The following OTOG variants were observed in gnomAD, a reference collection of about 807,000 sequenced individuals.
The protein encoded by OTOG is otogelin.
Under a neutral mutation model 313.8 loss-of-function variants are expected in OTOG, and 296 were observed. The observed-to-expected ratio is 0.94, with a 90% confidence interval of 0.86 to 1.04. The LOEUF (loss-of-function observed/expected upper bound fraction) is 1.04. Ranked by LOEUF, OTOG falls within the 50% of genes least tolerant of loss-of-function variation. OTOG has a pLI of 0.00. For missense variants in OTOG, 3,948 were observed against 3,840.1 expected, an observed-to-expected ratio of 1.03 and a Z score of -0.74; for synonymous variants, 1,533 against 1,554.9, an observed-to-expected ratio of 0.99 and a Z score of 0.33.
At chr11:17,640,185 C>T (rs1282192859) in intron 49 of OTOG, among the ~76,000 whole-genome samples, 2 of 152,110 alleles carry the variant, frequency 1.3e-5, no homozygotes, top group Non-Finnish European at 2.9e-5. Context: ...TATTTATTCT[C>T]ACAACAACCC....
chr11:17,564,284 A>G (rs80149640), intron 15 of OTOG, among the ~76,000 whole-genome samples: 4,804 of 152,284 alleles, frequency 0.032, 259 homozygotes, highest in African/African-American at 0.11. Flanking sequence ...CCATACAGCT[A>G]CAACATGATC....
chr11:17,549,171 G>C (rs556661788), intron 3 of OTOG, among the ~76,000 whole-genome samples: 5 of 152,150 alleles, frequency 3.3e-5, no homozygotes, highest in African/African-American at 4.8e-5. Context: ...GCCCGCATTT[G>C]TCTCCCTCTT....
At chr11:17,615,458 T>C (rs575834599) in intron 39 of OTOG, among the ~76,000 whole-genome samples, 1 of 152,350 alleles carries the variant, frequency 6.6e-6, no homozygotes, top group South Asian at 2.1e-4. Flanking sequence ...TGTTTTCTTC[T>C]AGAAGTTTTA....
At chr11:17,574,396 C>A (rs1398086974) in intron 19 of OTOG, among the ~76,000 whole-genome samples, 1 of 152,074 alleles carries the variant, frequency 6.6e-6, no homozygotes, top group African/African-American at 2.4e-5. Context: ...AGGGCCTTAG[C>A]AGGTGGTGAT....
At position 17,574,705 on chromosome 11, in the gene OTOG, C is replaced by A. The variant is rs768224412; in HGVS notation, c.2294-15C>A. On this transcript the variant is annotated splice_polypyrimidine_tract_variant and intron_variant, in intron 19 of 55. Coordinates refer to ENST00000399397, the MANE Select transcript of OTOG (RefSeq NM_001292063.2). ...TGAGGGAGACAAAGCATGCACCACT[C>A]CCCCCTCACTGCAGCACTGTCCTGT... is the stretch of plus-strand genomic sequence containing the variant. 8.4e-6 allele frequency: 13 copies of A among 1,545,214 alleles called. No homozygotes were observed. The highest frequency in any genetic ancestry group is 1.1e-5 in the Non-Finnish European group (13 of 1,143,982).
chr11:17,615,496 T>C (rs1853697244), intron 39 of OTOG, among the ~76,000 whole-genome samples: 1 of 152,262 alleles, frequency 6.6e-6, no homozygotes, highest in African/African-American at 2.4e-5. Flanking sequence ...TTTATGTGTA[T>C]GTTGCATTTT....
In OTOG at chr11:17,645,948, C is replaced by T. The variant is rs1157207905; in HGVS notation, c.*4C>T. 2 of 1,548,548 alleles carry T rather than the reference C, an allele frequency of 1.3e-6. No homozygotes were observed. The highest frequency in any genetic ancestry group is 2.7e-5 in the African/African-American group (2 of 73,182). On this transcript the variant is annotated 3_prime_UTR_variant, in exon 56 of 56. Coordinates refer to ENST00000399397, the MANE Select transcript of OTOG (RefSeq NM_001292063.2). ...CTGTGCCTGCCAGTGGTCCTGAGGC[C>T]TGGGGGCCCGGGCTAGCTGGACCAC...
At chr11:17,576,815 TG>T (rs1852539220) in intron 21 of OTOG, 52 bp from the exon 22 acceptor site, 1 of 1,544,108 alleles carries the variant, frequency 6.5e-7, no homozygotes, top group African/African-American at 1.4e-5. Flanking sequence ...ATGGGGTGTC[TG>T]GGTCCTGCAG....
intron 49 of OTOG, among the ~76,000 whole-genome samples, chr11:17,640,083 T>C (rs1186251007): frequency 2.6e-5 from 4 of 152,170 alleles, no homozygotes; most frequent in African/African-American, 9.7e-5. Context: ...ATGGCAATGA[T>C]GATGATGATG....
In OTOG at chr11:17,639,477, C is replaced by T. The variant is rs1223993846; in HGVS notation, c.7935+14C>T. Reference sequence around the variant, plus strand: ...CGGTGCCATCTGGTATGGAGACGCTCCTCCCCCAACACTCCCTGGTCTGCT... The same window carrying T: ...CGGTGCCATCTGGTATGGAGACGCTTCTCCCCCAACACTCCCTGGTCTGCT... On this transcript the variant is annotated intron_variant, in intron 49 of 55. Transcript: ENST00000399397. 1.1e-5 allele frequency: 17 copies of T among 1,550,236 alleles called. No homozygotes were observed. The highest frequency in any genetic ancestry group is 1.5e-5 in the Non-Finnish European group (17 of 1,146,706).
chr11:17,588,348 C>T (rs1852853644), intron 24 of OTOG, among the ~76,000 whole-genome samples: 1 of 152,166 alleles, frequency 6.6e-6, no homozygotes, highest in Non-Finnish European at 1.5e-5. Context: ...GTGACTCGAG[C>T]ATTTGCTGGG....
Position 17,571,947 on chromosome 11 carries a change from G to A in OTOG, c.1956-133G>A, listed in dbSNP as rs11819944. 2,919 of 1,192,770 alleles carry A rather than the reference G, an allele frequency of 2.4e-3. 54 individuals carry two copies. The African/African-American group carries it at 0.04, about 16-fold the overall frequency. 73.9% of individuals were successfully genotyped at this position (1,192,770 alleles called of 1,614,324 possible). A position where few individuals can be genotyped will look rare whatever the true frequency, so the allele number is the denominator to read the frequency against. On this transcript the variant is annotated intron_variant, in intron 17 of 55. Transcript: ENST00000399397. Reference sequence around the variant, plus strand: ...GGTGAGTACACGTGCTCCTCTGAGTGTGTGTATATGGATGTGTAGATTATG... The same window carrying A: ...GGTGAGTACACGTGCTCCTCTGAGTATGTGTATATGGATGTGTAGATTATG...
At chr11:17,585,351 T>A (rs531806044) in intron 23 of OTOG, among the ~76,000 whole-genome samples, 30 of 152,342 alleles carry the variant, frequency 2.0e-4, no homozygotes, top group African/African-American at 7.0e-4. Context: ...TGTAGCAATA[T>A]CTCCTCTTTG....
intron 28 of OTOG, among the ~76,000 whole-genome samples, chr11:17,594,495 A>T (rs1201330824): frequency 3.3e-5 from 5 of 152,198 alleles, no homozygotes; most frequent in Admixed American, 3.3e-4. Context: ...TCTGGCACAG[A>T]GAAGAGACCA....
Position 17,612,578 on chromosome 11 carries a change from G to A in OTOG, c.6293-42G>A, listed in dbSNP as rs560245079. The stretch of plus-strand genomic sequence containing the variant: ...ATCTTCCTAGGCGGCCTTGGTCTTG[G>A]AGGCATCCACCTATTCTTCTTGTGC... On this transcript the variant is annotated intron_variant, in intron 37 of 55. Coordinates refer to ENST00000399397, the MANE Select transcript of OTOG (RefSeq NM_001292063.2). 1.9e-4 allele frequency: 291 copies of A among 1,532,848 alleles called. 1 individual carries two copies. In the Middle Eastern group the frequency reaches 3.1e-3, roughly 16 times the overall value. 95.0% of individuals were successfully genotyped at this position (1,532,848 alleles called of 1,614,324 possible).
chr11:17,604,290 G>A (rs547811537), intron 32 of OTOG, among the ~76,000 whole-genome samples: 1 of 152,374 alleles, frequency 6.6e-6, no homozygotes, highest in Admixed American at 6.5e-5. Context: ...AGGGAAAACA[G>A]TGGAGAAGCC....
chr11:17,559,302 G>GA, intron 11 of OTOG, 141 bp downstream of exon 11: 2 of 929,622 alleles, frequency 2.2e-6, no homozygotes, highest in Non-Finnish European at 3.1e-6. Context: ...TGAGAAAGAC[G>GA]AAAAAACTGA....
intron 24 of OTOG, 56 bp downstream of exon 24, chr11:17,586,637 G>C: frequency 1.1e-6 from 1 of 871,318 alleles, no homozygotes; most frequent in South Asian, 3.1e-5. Flanking sequence ...GCATGGATAT[G>C]GGTGCATAAT....
At position 17,602,296 on chromosome 11, in the gene OTOG, C is replaced by T; in HGVS notation, c.3796C>T (p.Leu1266=). The T allele has an allele frequency of 6.4e-7, 1 of 1,550,586 alleles. No homozygotes were observed. Among genetic ancestry groups the T allele is most frequent in the Non-Finnish European group, 8.7e-7 (1 of 1,146,966 alleles). ...GMKAVGDDIV[L]VRTEDVAPAD... is the part of the protein sequence containing the mutation. Reference sequence around the variant, plus strand: ...GAAGGCGGTGGGCGATGACATAGTCCTAGTGAGGACAGAGGATGTGGCGCC... The same window carrying T: ...GAAGGCGGTGGGCGATGACATAGTCTTAGTGAGGACAGAGGATGTGGCGCC... Residue 1266 remains leucine (L), a synonymous_variant, in exon 32 of 56, where the codon CTA becomes TTA. Transcript: ENST00000399397.
Sources: gnomAD v4.1 joint callset for allele counts (sites outside exome capture counted in the v4.1 genomes callset) on GRCh38, gnomAD v4.1.1 for gene constraint, MANE v1.5 for transcripts, NCBI Gene and HGNC (gene_info 2026-07-23, HGNC 2026-07-21) for gene names.